The following SNTG2 variants were observed in gnomAD, a reference collection of about 807,000 sequenced individuals.
The protein encoded by SNTG2 is gamma-2-syntrophin.
Under a neutral mutation model 70.9 loss-of-function variants are expected in SNTG2, and 74 were observed. The ratio of observed to expected loss-of-function variants is 1.04; its 90% CI spans 0.86 to 1.27. The LOEUF (loss-of-function observed/expected upper bound fraction) is 1.27, where lower values mean the gene tolerates loss of function less well. Among genes scored for constraint, SNTG2 ranks in the 50% most tolerant of loss-of-function variants. SNTG2 has a pLI of 0.00. For missense variants in SNTG2, 717 were observed against 690.7 expected, an observed-to-expected ratio of 1.04 and a Z score of -0.43; for synonymous variants, 278 against 273.8, an observed-to-expected ratio of 1.02 and a Z score of -0.15.
At chr2:1,071,753 G>A (rs895887543) in intron 1 of SNTG2, among the ~76,000 whole-genome samples, 6 of 152,048 alleles carry the variant, frequency 3.9e-5, no homozygotes, top group Non-Finnish European at 8.8e-5. Context: ...GTAGTCAGGT[G>A]GTAAAACAAA....
intron 1 of SNTG2, among the ~76,000 whole-genome samples, chr2:996,420 G>T (rs1180916616): frequency 6.6e-6 from 1 of 151,966 alleles, no homozygotes; most frequent in Non-Finnish European, 1.5e-5. Flanking sequence ...TTATTGTTGT[G>T]TTCCTTACAC....
intron 1 of SNTG2, among the ~76,000 whole-genome samples, chr2:966,148 TC>T (rs1192129307): frequency 6.6e-6 from 1 of 152,246 alleles, no homozygotes; most frequent in African/African-American, 2.4e-5. Flanking sequence ...ACCCACCTTG[TC>T]CCACCTCCCT....
intron 8 of SNTG2, among the ~76,000 whole-genome samples, chr2:1,205,701 C>T (rs1572721657): frequency 1.3e-5 from 2 of 152,300 alleles, no homozygotes; most frequent in South Asian, 4.2e-4. Context: ...CAGGCTCCCC[C>T]TCGCCCTCCA....
chr2:1,103,389 T>A (rs78315501), intron 4 of SNTG2: 1 of 293,640 alleles, frequency 3.4e-6, no homozygotes, highest in Non-Finnish European at 6.8e-6. Context: ...CTTTTTTTTT[T>A]TATTTTTTTT....
chr2:1,098,720 A>G (rs1435827683), intron 4 of SNTG2, among the ~76,000 whole-genome samples: 1 of 152,200 alleles, frequency 6.6e-6, no homozygotes, highest in African/African-American at 2.4e-5. Flanking sequence ...TATTTTAAAA[A>G]TCGAGGAGAA....
chr2:1,210,488 G>A (rs1673968198), intron 9 of SNTG2: 1 of 152,182 alleles, frequency 6.6e-6, no homozygotes. Flanking sequence ...CCTACTGCCT[G>A]GTGACATCAA....
At chr2:1,180,308 A>C (rs1426473594) in intron 8 of SNTG2, among the ~76,000 whole-genome samples, 2,313 of 108,864 alleles carry the variant, frequency 0.021, no homozygotes, top group East Asian at 0.061. Context: ...AAATTTTTGC[A>C]ACCTACTCAT....
At chr2:1,233,719 A>G (rs1022244769) in intron 9 of SNTG2, among the ~76,000 whole-genome samples, 6 of 152,310 alleles carry the variant, frequency 3.9e-5, no homozygotes, top group Admixed American at 3.3e-4. Flanking sequence ...TTAGCCAAAA[A>G]CTGAATTGAT....
chr2:1,325,052 G>T (rs1362563914), intron 16 of SNTG2, among the ~76,000 whole-genome samples: 1 of 152,210 alleles, frequency 6.6e-6, no homozygotes, highest in East Asian at 1.9e-4. Context: ...GACCATGCCA[G>T]TCTTTCCAAG....
intron 1 of SNTG2, among the ~76,000 whole-genome samples, chr2:1,017,832 C>T (rs1290961092): frequency 6.6e-6 from 1 of 152,174 alleles, no homozygotes; most frequent in Non-Finnish European, 1.5e-5. Flanking sequence ...TGGAATGCAT[C>T]AATAACTGTC....
intron 13 of SNTG2, 124 bp downstream of exon 13, chr2:1,259,565 T>G: frequency 1.3e-6 from 1 of 777,196 alleles, no homozygotes. Flanking sequence ...AGTAAAATAA[T>G]GTGACGATCT....
intron 14 of SNTG2, among the ~76,000 whole-genome samples, chr2:1,289,776 C>G (rs1178309268): frequency 2.0e-5 from 3 of 152,198 alleles, no homozygotes; most frequent in Non-Finnish European, 2.9e-5. Context: ...TCCATTGCCA[C>G]TAAACACCAG....
At chr2:1,292,717 T>G (rs1680042180) in intron 14 of SNTG2, among the ~76,000 whole-genome samples, 1 of 152,324 alleles carries the variant, frequency 6.6e-6, no homozygotes, top group African/African-American at 2.4e-5. Context: ...CATTGTACAA[T>G]GCTTTTAATG....
At chr2:1,021,817 T>A (rs1660193546) in intron 1 of SNTG2, among the ~76,000 whole-genome samples, 1 of 152,004 alleles carries the variant, frequency 6.6e-6, no homozygotes, top group Admixed American at 6.6e-5. Context: ...GGGGTCTCAC[T>A]TTTTTGCTCA....
intron 16 of SNTG2, among the ~76,000 whole-genome samples, chr2:1,324,317 T>C (rs891722912): frequency 6.6e-6 from 1 of 152,232 alleles, no homozygotes. Context: ...TATTGAATCA[T>C]CTCTAGTCTT....
In SNTG2 at chr2:951,008, G is replaced by A. The variant is rs1382221441; in HGVS notation, c.12G>A (p.Glu4=). ...CCGCAGGGGCGGCGATGGGCACCGA[G>A]GGACCCCCGCCCCCGGCCGCCTCCC... MGT[E]GPPPPAASRG... is the part of the protein sequence containing the mutation. The change falls in exon 1 of 17, where the codon GAG becomes GAA. Residue 4 remains glutamate, a synonymous_variant. Coordinates refer to ENST00000308624, the MANE Select transcript of SNTG2 (RefSeq NM_018968.4). 7.9e-7 allele frequency: 1 copy of A among 1,260,816 alleles called. No individual in the cohort carries two copies. Among genetic ancestry groups the A allele is most frequent in the Non-Finnish European group, 9.9e-7 (1 of 1,006,236 alleles). 78.1% of individuals were successfully genotyped at this position (1,260,816 alleles called of 1,614,324 possible).
At chr2:1,180,871 T>C (rs969550788) in intron 8 of SNTG2, among the ~76,000 whole-genome samples, 18 of 152,176 alleles carry the variant, frequency 1.2e-4, no homozygotes, top group African/African-American at 4.3e-4. Flanking sequence ...ATATGCACCA[T>C]GGAATACTAT....
intron 1 of SNTG2, among the ~76,000 whole-genome samples, chr2:1,005,619 C>G (rs537368627): frequency 6.6e-6 from 1 of 151,480 alleles, no homozygotes; most frequent in South Asian, 2.1e-4. Context: ...CTCTGACCAA[C>G]ATGGAGAAAC....
chr2:1,239,688 A>G (rs1318768544), intron 10 of SNTG2, 50 bp from the exon 11 acceptor site: 2 of 1,604,682 alleles, frequency 1.2e-6, no homozygotes, highest in South Asian at 1.1e-5. Flanking sequence ...CAGGTGAGCC[A>G]TCCTGGTGTT....
Sources: gnomAD v4.1 joint callset for allele counts (sites outside exome capture counted in the v4.1 genomes callset) on GRCh38, gnomAD v4.1.1 for gene constraint, MANE v1.5 for transcripts, NCBI Gene and HGNC (gene_info 2026-07-23, HGNC 2026-07-21) for gene names.